Variants in UTY observed in about 807,000 individuals in gnomAD.
UTY encodes the protein histone demethylase UTY.
In UTY, 12 loss-of-function variants were observed where a neutral mutation model predicts 32.5. The ratio of observed to expected loss-of-function variants is 0.37; its 90% CI spans 0.24 to 0.60. UTY has a LOEUF of 0.60. Ranked by LOEUF, UTY falls within the 20% of genes least tolerant of loss-of-function variation. The pLI is 0.69. For missense variants in UTY, 303 were observed against 299.2 expected (o/e 1.01, Z -0.09); for synonymous variants, 131 against 103.4 (o/e 1.27, Z -1.62).
intron 18 of UTY, among the ~76,000 whole-genome samples, chrY:13,334,246 C>T: frequency 3.0e-5 from 1 of 33,024 alleles, no homozygotes; most frequent in Admixed American, 2.8e-4. Context: ...CTTCTCATTT[C>T]TTTGTCACCA....
At chrY:13,450,738 C>G in intron 3 of UTY, among the ~76,000 whole-genome samples, 5 of 30,194 alleles carry the variant, frequency 1.7e-4, no homozygotes, top group Non-Finnish European at 3.2e-4. Context: ...GCAGGAGAAT[C>G]ACTTGAACCT....
chrY:13,438,509 G>C, intron 4 of UTY, among the ~76,000 whole-genome samples: 1 of 33,844 alleles, frequency 3.0e-5, no homozygotes, highest in Non-Finnish European at 7.3e-5. Context: ...TGTTAGACCA[G>C]AGGGGGAATC....
chrY:13,408,427 T>C (rs2070384328), intron 6 of UTY, among the ~76,000 whole-genome samples: 1 of 32,469 alleles, frequency 3.1e-5, no homozygotes, highest in African/African-American at 1.2e-4. Context: ...AAGCCTGGAC[T>C]TCCTATTATG....
intron 10 of UTY, among the ~76,000 whole-genome samples, chrY:13,364,380 A>C (rs772000246): frequency 3.0e-5 from 1 of 32,815 alleles, no homozygotes; most frequent in Admixed American, 2.7e-4. Context: ...TTATTTTTTT[A>C]ATTTTTGAGA....
chrY:13,480,449 C>T, upstream of UTY: 1 of 33,508 alleles, frequency 3.0e-5, no homozygotes, highest in South Asian at 6.4e-4. Flanking sequence ...CGGGGCATGG[C>T]AGGGAAGCTG....
intron 8 of UTY, among the ~76,000 whole-genome samples, chrY:13,377,417 C>G (rs2065506924): frequency 3.0e-5 from 1 of 33,654 alleles, no homozygotes; most frequent in African/African-American, 1.2e-4. Context: ...TAAACCTATT[C>G]AAAAGGCTGA....
In UTY at chrY:13,336,175, G is replaced by A; in HGVS notation, c.2222C>T (p.Ala741Val). ...AGTATGACAGGAGAGGTGACTGTCAGCATCCCCCTGTGGTACTGAATTACT... is the reference window on the plus strand; with the variant it reads ...AGTATGACAGGAGAGGTGACTGTCAACATCCCCCTGTGGTACTGAATTACT... ...LPSNSVPQGD[A>V]DSHLSCHTAT... The change falls in exon 18 of 30, where the codon GCT becomes GTT. Residue 741 changes from alanine (A) to valine (V), a missense_variant. By Grantham distance (64) the Ala-to-Val change is moderately conservative (BLOSUM62 0). Transcript: ENST00000545955. 1 of 398,423 alleles carries A rather than the reference G, an allele frequency of 2.5e-6. No individual in the cohort carries two copies. The highest frequency in any genetic ancestry group is 3.5e-6 in the Non-Finnish European group (1 of 283,495).
intron 28 of UTY, among the ~76,000 whole-genome samples, chrY:13,242,516 T>C (rs2148323205): frequency 2.9e-5 from 1 of 33,986 alleles, no homozygotes; most frequent in Non-Finnish European, 7.3e-5. Flanking sequence ...ATCCAAGGAA[T>C]TAATGTCAAT....
intron 4 of UTY, among the ~76,000 whole-genome samples, chrY:13,428,358 T>C (rs2073595479): frequency 3.0e-5 from 1 of 33,599 alleles, no homozygotes; most frequent in Non-Finnish European, 7.4e-5. Context: ...TATGTTAATT[T>C]TGGTACATGG....
At chrY:13,476,722 G>A (rs1603483824) in intron 2 of UTY, among the ~76,000 whole-genome samples, 2 of 32,760 alleles carry the variant, frequency 6.1e-5, no homozygotes, top group East Asian at 1.5e-3. Context: ...TAATTCAGAT[G>A]ACAATCTTAT....
At chrY:13,451,387 T>A (rs1603467803) in intron 3 of UTY, among the ~76,000 whole-genome samples, 1 of 32,065 alleles carries the variant, frequency 3.1e-5, no homozygotes, top group South Asian at 7.0e-4. Context: ...CCCTTCAGCA[T>A]AAACACTACA....
intron 28 of UTY, among the ~76,000 whole-genome samples, chrY:13,251,716 A>G (rs2054165261): frequency 3.0e-5 from 1 of 33,777 alleles, no homozygotes. Flanking sequence ...GTAATGTGAT[A>G]TTTTTCAAGA....
chrY:13,271,882 A>G (rs2056318682), intron 27 of UTY, among the ~76,000 whole-genome samples: 2 of 34,114 alleles, frequency 5.9e-5, no homozygotes, highest in African/African-American at 2.3e-4. Context: ...CAGAAGCATT[A>G]GTGTCAGAAT....
intron 8 of UTY, among the ~76,000 whole-genome samples, chrY:13,370,774 C>T: frequency 3.1e-5 from 1 of 32,700 alleles, no homozygotes; most frequent in Non-Finnish European, 7.5e-5. Context: ...ATTGGCTTGG[C>T]GAGGTGGCAT....
At chrY:13,333,935 A>G in intron 18 of UTY, among the ~76,000 whole-genome samples, 1 of 32,812 alleles carries the variant, frequency 3.0e-5, no homozygotes. Flanking sequence ...GGAGAAAGAC[A>G]CTCCTTTGAA....
At chrY:13,363,245 C>A in intron 10 of UTY, among the ~76,000 whole-genome samples, 2 of 32,281 alleles carry the variant, frequency 6.2e-5, no homozygotes, top group Non-Finnish European at 1.5e-4. Flanking sequence ...GTCACCCAGG[C>A]TGGTGTGTAG....
At chrY:13,280,068 TA>T (rs2056924319) in intron 27 of UTY, among the ~76,000 whole-genome samples, 1 of 33,323 alleles carries the variant, frequency 3.0e-5, no homozygotes, top group Non-Finnish European at 7.4e-5. Flanking sequence ...TAAAGAGTGT[TA>T]AAAAGGCAAA....
intron 8 of UTY, chrY:13,393,386 C>A (rs2067786063): frequency 6.1e-5 from 2 of 33,014 alleles, no homozygotes; most frequent in Non-Finnish European, 1.5e-4. Context: ...TGGTATGATG[C>A]TTAAAAGATA....
At chrY:13,280,322 G>C (rs947231203) in intron 27 of UTY, among the ~76,000 whole-genome samples, 10 of 33,172 alleles carry the variant, frequency 3.0e-4, no homozygotes, top group African/African-American at 1.2e-3. Flanking sequence ...CCAGGAGGTG[G>C]AGGTTGCAGT....
Sources: gnomAD v4.1 joint callset for allele counts (sites outside exome capture counted in the v4.1 genomes callset) on GRCh38, gnomAD v4.1.1 for gene constraint, MANE v1.5 for transcripts, NCBI Gene and HGNC (gene_info 2026-07-23, HGNC 2026-07-21) for gene names.